INTS6: variants seen among roughly 807,000 people sequenced by gnomAD.
INTS6 encodes the protein integrator complex subunit 6, also known as DEAD box protein.
Under a neutral mutation model 104.9 loss-of-function variants are expected in INTS6, and 16 were observed. The observed-to-expected ratio is 0.15, with a 90% confidence interval of 0.10 to 0.23. The LOEUF is 0.23. Ranked by LOEUF, INTS6 falls within the 10% of genes least tolerant of loss-of-function variation. The probability of loss-of-function intolerance (pLI) is 1.00; values close to 1 mark genes in which losing one functional copy is unlikely to be tolerated. For missense variants in INTS6, 584 were observed against 1,062.8 expected, an observed-to-expected ratio of 0.55 and a Z score of 6.26; for synonymous variants, 324 against 358.7, an observed-to-expected ratio of 0.90 and a Z score of 1.09.
chr13:51,342,936 T>C, the INTS6 span, among the ~76,000 whole-genome samples: 1 of 152,196 alleles, frequency 6.6e-6, no homozygotes, highest in Non-Finnish European at 1.5e-5. Flanking sequence ...TCTTTTGCAA[T>C]TGTGGATTCT....
intron 3 of INTS6, chr13:51,438,004 G>A (rs571975749): frequency 4.2e-4 from 64 of 152,202 alleles, no homozygotes; most frequent in Admixed American, 3.5e-3. Context: ...GCAAGACTGT[G>A]TCTCAAAAAC....
downstream of INTS6, among the ~76,000 whole-genome samples, chr13:51,358,173 C>T (rs1955510413): frequency 6.6e-6 from 1 of 151,976 alleles, no homozygotes; most frequent in Admixed American, 6.6e-5. Flanking sequence ...TCTCTCTAGC[C>T]CCCTCTCCCT....
At chr13:51,352,027 T>A (rs77328584), downstream of INTS6, among the ~76,000 whole-genome samples, 5,219 of 152,206 alleles carry the variant, frequency 0.034, 115 homozygotes, top group Middle Eastern at 0.065. Context: ...TACCACACAG[T>A]CTTCATTACT....
rs892682150 is a variant in INTS6 at position 51,452,128 on chromosome 13, C to G, written c.112-73G>C. 4 of 1,409,458 alleles carry G rather than the reference C, an allele frequency of 2.8e-6. No individual in the cohort carries two copies. The African/African-American group carries it at 5.7e-5, about 20-fold the overall frequency. The allele number at this position is 1,409,458 out of a possible 1,614,324, so 87.3% of individuals were successfully genotyped here. Reference sequence around the variant, plus strand: ...GCGAGGTTACGAGGCGGAGAAGGGGCGCCCAGCGGCCCCGCCGCCCCCACA... The same window carrying G: ...GCGAGGTTACGAGGCGGAGAAGGGGGGCCCAGCGGCCCCGCCGCCCCCACA... On this transcript the variant is annotated intron_variant, in intron 1 of 17. Coordinates refer to ENST00000311234, the MANE Select transcript of INTS6 (RefSeq NM_012141.3). This position sits in a 1 kb window ranked among gnomAD's most constrained non-coding sequence, Gnocchi z 4.2.
intron 6 of INTS6, 72 bp downstream of exon 6, chr13:51,389,247 G>T (rs1371498024): frequency 6.6e-7 from 1 of 1,524,076 alleles, no homozygotes; most frequent in Non-Finnish European, 8.8e-7. Flanking sequence ...CCAAATCACA[G>T]TAAGTTTTCA....
chr13:51,404,987 TACA>T (rs1422237588), intron 4 of INTS6, among the ~76,000 whole-genome samples: 2 of 152,182 alleles, frequency 1.3e-5, no homozygotes, highest in African/African-American at 4.8e-5. Flanking sequence ...TTATGATATG[TACA>T]ACAATAAAAA....
chr13:51,343,964 C>T, the INTS6 span, among the ~76,000 whole-genome samples: 2 of 152,216 alleles, frequency 1.3e-5, no homozygotes, highest in African/African-American at 2.4e-5. Flanking sequence ...GGAAGAATAT[C>T]CTCTATTCAT....
At chr13:51,367,203 A>C (rs758281692) in intron 17 of INTS6, among the ~76,000 whole-genome samples, 9 of 152,010 alleles carry the variant, frequency 5.9e-5, no homozygotes, top group Admixed American at 1.3e-4. Context: ...GATATGAATT[A>C]GACTGAATTA....
intron 3 of INTS6, among the ~76,000 whole-genome samples, chr13:51,432,641 T>C (rs939610844): frequency 6.6e-6 from 1 of 152,212 alleles, no homozygotes. Context: ...CACAGAACCA[T>C]TTAGAATTAC....
At chr13:51,338,079 G>A in the INTS6 span, among the ~76,000 whole-genome samples, 1 of 152,184 alleles carries the variant, frequency 6.6e-6, no homozygotes, top group Non-Finnish European at 1.5e-5. Flanking sequence ...CTTCTTAAAA[G>A]CAAGTTAGAA....
At chr13:51,449,275 T>C (rs188323964) in intron 3 of INTS6, 138 of 155,598 alleles carry the variant, frequency 8.9e-4, no homozygotes, top group African/African-American at 2.9e-3. Flanking sequence ...AATCCTGACA[T>C]GCAAAAACAT....
intron 10 of INTS6, among the ~76,000 whole-genome samples, chr13:51,380,103 CACA>C (rs1161854144): frequency 1.3e-5 from 2 of 151,754 alleles, no homozygotes; most frequent in African/African-American, 4.8e-5. Flanking sequence ...TGAGTTAATA[CACA>C]TAAAGCACTT....
At chr13:51,387,675 T>C (rs1354022013) in intron 6 of INTS6, 135 bp from the exon 7 acceptor site, 9 of 655,012 alleles carry the variant, frequency 1.4e-5, no homozygotes, top group Non-Finnish European at 2.2e-5. Context: ...CTATTTTTCT[T>C]AAATGGCAGA....
chr13:51,338,603 A>G, the INTS6 span, among the ~76,000 whole-genome samples: 1 of 152,210 alleles, frequency 6.6e-6, no homozygotes, highest in African/African-American at 2.4e-5. Flanking sequence ...GTGCTATAGA[A>G]TAAGTTAAAC....
chr13:51,449,753 G>A (rs1480326819), intron 3 of INTS6: 1 of 985,188 alleles, frequency 1.0e-6, no homozygotes, highest in East Asian at 1.1e-4. Flanking sequence ...CTATTTTACA[G>A]AAACAAACCA....
At chr13:51,395,178 G>T in intron 5 of INTS6, 122 bp downstream of exon 5, 2 of 913,090 alleles carry the variant, frequency 2.2e-6, no homozygotes, top group Non-Finnish European at 3.3e-6. Flanking sequence ...AAGCATATAT[G>T]CCTAATTCCT....
At chr13:51,402,441 A>G (rs1386267982) in intron 4 of INTS6, 3 of 152,208 alleles carry the variant, frequency 2.0e-5, no homozygotes, top group Non-Finnish European at 2.9e-5. Context: ...TAATTTTCCC[A>G]TAACCATGAT....
intron 3 of INTS6, chr13:51,448,636 A>G (rs1952972040): frequency 6.6e-6 from 1 of 152,222 alleles, no homozygotes; most frequent in African/African-American, 2.4e-5. Flanking sequence ...ATATGTGCAT[A>G]TATGTGGGAG....
chr13:51,345,689 T>G, the INTS6 span, among the ~76,000 whole-genome samples: 1 of 152,010 alleles, frequency 6.6e-6, no homozygotes, highest in African/African-American at 2.4e-5. Context: ...ATGGCAGAAT[T>G]AAATGCAAAA....
Sources: gnomAD v4.1 joint callset for allele counts (sites outside exome capture counted in the v4.1 genomes callset) on GRCh38, gnomAD v4.1.1 for gene constraint, Gnocchi (gnomAD v3.1) non-coding constraint, MANE v1.5 for transcripts, NCBI Gene and HGNC (gene_info 2026-07-23, HGNC 2026-07-21) for gene names.